The following MACROD2 variants were observed in gnomAD, a reference collection of about 807,000 sequenced individuals.
The protein encoded by MACROD2 is ADP-ribose glycohydrolase MACROD2.
Under a neutral mutation model 70.4 loss-of-function variants are expected in MACROD2, and 36 were observed. The ratio of observed to expected loss-of-function variants is 0.51; its 90% CI spans 0.39 to 0.68. MACROD2 has a LOEUF of 0.68. Among genes scored for constraint, MACROD2 ranks in the 30% least tolerant of loss-of-function variants. MACROD2 has a pLI of 0.00. For missense variants in MACROD2, 496 were observed against 538.4 expected, an observed-to-expected ratio of 0.92 and a Z score of 0.78; for synonymous variants, 172 against 178.8, an observed-to-expected ratio of 0.96 and a Z score of 0.30.
At chr20:14,018,498 A>AT (rs1429565215) in intron 2 of MACROD2, among the ~76,000 whole-genome samples, 1 of 151,206 alleles carries the variant, frequency 6.6e-6, no homozygotes, top group Non-Finnish European at 1.5e-5. Flanking sequence ...TCCTTTCCCC[A>AT]TTTTTCAGGA....
At chr20:14,378,487 A>G (rs1810484114) in intron 3 of MACROD2, among the ~76,000 whole-genome samples, 1 of 152,328 alleles carries the variant, frequency 6.6e-6, no homozygotes, top group East Asian at 1.9e-4. Context: ...ACCCCAGCTC[A>G]GAGGCCTCTG....
At chr20:15,420,487 C>T (rs2046212933) in intron 6 of MACROD2, among the ~76,000 whole-genome samples, 1 of 152,118 alleles carries the variant, frequency 6.6e-6, no homozygotes, top group South Asian at 2.1e-4. Context: ...AGAACCTTGG[C>T]CTTTGGGTCA....
intron 6 of MACROD2, among the ~76,000 whole-genome samples, chr20:15,411,179 C>CACACACACACAA (rs1454808055): frequency 6.8e-6 from 1 of 146,072 alleles, no homozygotes. Context: ...CACACACACA[C>CACACACACACAA]AAAGCTGAGA....
At chr20:15,433,742 T>A (rs2046393245) in intron 7 of MACROD2, among the ~76,000 whole-genome samples, 2 of 103,044 alleles carry the variant, frequency 1.9e-5, no homozygotes, top group African/African-American at 9.4e-5. Flanking sequence ...ATAGCCAAAG[T>A]AATATTAAGC....
At chr20:14,234,344 A>G (rs1346534558) in intron 3 of MACROD2, among the ~76,000 whole-genome samples, 1 of 152,224 alleles carries the variant, frequency 6.6e-6, no homozygotes, top group East Asian at 1.9e-4. Context: ...AATTTAAACA[A>G]TTTAAAAATG....
chr20:14,436,411 T>G (rs2084056919), intron 3 of MACROD2, among the ~76,000 whole-genome samples: 1 of 152,184 alleles, frequency 6.6e-6, no homozygotes, highest in African/African-American at 2.4e-5. Flanking sequence ...GCTTCCCACC[T>G]TTTCCGAAAT....
At chr20:15,496,413 A>G (rs2047298739) in intron 7 of MACROD2, among the ~76,000 whole-genome samples, 1 of 152,238 alleles carries the variant, frequency 6.6e-6, no homozygotes. Context: ...CTTGAGGTTA[A>G]GATGAAAACC....
chr20:15,503,310 AT>A (rs1187158982), intron 8 of MACROD2, among the ~76,000 whole-genome samples: 2 of 152,332 alleles, frequency 1.3e-5, no homozygotes, highest in East Asian at 3.9e-4. Flanking sequence ...GTCTGAAATG[AT>A]TTTAGATATC....
At chr20:15,492,009 C>A (rs1448666546) in intron 7 of MACROD2, among the ~76,000 whole-genome samples, 2 of 152,370 alleles carry the variant, frequency 1.3e-5, no homozygotes, top group East Asian at 3.9e-4. Context: ...CTCACCCTTG[C>A]CTACTAGGTG....
chr20:14,881,085 G>A (rs910179367), intron 5 of MACROD2, among the ~76,000 whole-genome samples: 2 of 152,086 alleles, frequency 1.3e-5, no homozygotes, highest in Non-Finnish European at 2.9e-5. Context: ...GGGAAGAGGT[G>A]CAATACATGT....
chr20:14,668,749 G>C (rs753388422), intron 4 of MACROD2, among the ~76,000 whole-genome samples: 8 of 152,044 alleles, frequency 5.3e-5, no homozygotes, highest in Non-Finnish European at 1.2e-4. Context: ...ATGCTAAAAA[G>C]AGCTTTTCTT....
At chr20:15,384,834 G>A (rs1387230024) in intron 6 of MACROD2, among the ~76,000 whole-genome samples, 2 of 152,052 alleles carry the variant, frequency 1.3e-5, no homozygotes, top group Non-Finnish European at 2.9e-5. Context: ...TTCACTCTTA[G>A]TTGCATCTTG....
At chr20:14,004,875 A>T (rs985849876) in intron 2 of MACROD2, among the ~76,000 whole-genome samples, 1 of 152,148 alleles carries the variant, frequency 6.6e-6, no homozygotes, top group Non-Finnish European at 1.5e-5. Context: ...GGGTTAGAAC[A>T]GTATATCAGT....
intron 5 of MACROD2, chr20:14,935,467 G>C (rs189039697): frequency 3.3e-5 from 5 of 152,232 alleles, no homozygotes; most frequent in Non-Finnish European, 5.9e-5. Flanking sequence ...GTTGTATTTA[G>C]TTTCCCAGGC....
At chr20:14,527,875 G>C (rs934907424) in intron 4 of MACROD2, among the ~76,000 whole-genome samples, 8 of 152,134 alleles carry the variant, frequency 5.3e-5, no homozygotes, top group African/African-American at 1.4e-4. Context: ...TCCACTTAAA[G>C]GTCAATTATT....
intron 3 of MACROD2, among the ~76,000 whole-genome samples, chr20:14,370,476 GA>G (rs1045305801): frequency 4.6e-5 from 7 of 151,976 alleles, no homozygotes; most frequent in African/African-American, 7.2e-5. Context: ...TTTAAGAGAA[GA>G]AAAAATTTAC....
At chr20:14,516,878 G>C (rs6042777) in intron 4 of MACROD2, among the ~76,000 whole-genome samples, 6 of 152,096 alleles carry the variant, frequency 3.9e-5, no homozygotes, top group African/African-American at 1.4e-4. Context: ...GTGGACAAAA[G>C]ATATGAATGG....
intron 6 of MACROD2, among the ~76,000 whole-genome samples, chr20:15,405,372 A>G (rs2045986403): frequency 6.6e-6 from 1 of 152,288 alleles, no homozygotes; most frequent in South Asian, 2.1e-4. Flanking sequence ...CAAAGCAAAT[A>G]AGGTCTTCTC....
chr20:15,689,628 C>T (rs1384999052), intron 8 of MACROD2, among the ~76,000 whole-genome samples: 1 of 152,136 alleles, frequency 6.6e-6, no homozygotes, highest in Non-Finnish European at 1.5e-5. Context: ...TAAGCTTATA[C>T]ATTCAAAGAC....
Sources: allele counts gnomAD v4.1 joint callset (sites outside exome capture counted in the v4.1 genomes callset), GRCh38; gene constraint gnomAD v4.1.1; transcripts MANE v1.5; gene names NCBI Gene and HGNC (gene_info 2026-07-23, HGNC 2026-07-21).